PHACTR1: variants seen among roughly 807,000 people sequenced by gnomAD.
The protein encoded by PHACTR1 is phosphatase and actin regulator 1.
A neutral mutation model predicts 69.2 loss-of-function variants in PHACTR1; 16 were observed. The observed-to-expected ratio is 0.23, with a 90% confidence interval of 0.16 to 0.35. The LOEUF (loss-of-function observed/expected upper bound fraction) is 0.35, where lower values mean the gene tolerates loss of function less well. Among genes scored for constraint, PHACTR1 ranks in the 10% least tolerant of loss-of-function variants. The probability of loss-of-function intolerance (pLI) is 1.00; values close to 1 mark genes in which losing one functional copy is unlikely to be tolerated. For missense variants in PHACTR1, 510 were observed against 734.7 expected (o/e 0.69, Z 3.54); for synonymous variants, 312 against 284.5 (o/e 1.10, Z -0.97).
chr6:12,814,430 T>A (rs1211452013), intron 4 of PHACTR1, among the ~76,000 whole-genome samples: 4 of 152,232 alleles, frequency 2.6e-5, no homozygotes, highest in Non-Finnish European at 5.9e-5. Flanking sequence ...CAAAAATGTC[T>A]CTTTGCTGTT....
chr6:13,253,124 T>C (rs960003095), intron 10 of PHACTR1: 1 of 431,532 alleles, frequency 2.3e-6, no homozygotes, highest in Non-Finnish European at 4.7e-6. Flanking sequence ...CCCCACCCTC[T>C]ATCCTCAGCC....
At chr6:13,212,470 T>C (rs1472551263) in intron 8 of PHACTR1, among the ~76,000 whole-genome samples, 3 of 149,094 alleles carry the variant, frequency 2.0e-5, no homozygotes, top group Non-Finnish European at 3.0e-5. Context: ...ATCTCTGCCC[T>C]CCTGCACACA....
chr6:13,016,156 G>T (rs1453658022), intron 4 of PHACTR1, among the ~76,000 whole-genome samples: 2 of 152,226 alleles, frequency 1.3e-5, no homozygotes, highest in African/African-American at 4.8e-5. Flanking sequence ...GAAGCGATTT[G>T]CAATTTGAGT....
intron 4 of PHACTR1, among the ~76,000 whole-genome samples, chr6:12,973,344 A>C (rs1342846712): frequency 6.6e-6 from 1 of 152,176 alleles, no homozygotes; most frequent in African/African-American, 2.4e-5. Context: ...GAAATTTTAG[A>C]GGAATAAAAT....
chr6:13,172,133 G>A (rs570080736), intron 6 of PHACTR1, among the ~76,000 whole-genome samples: 15 of 152,230 alleles, frequency 9.9e-5, no homozygotes, highest in African/African-American at 3.1e-4. Flanking sequence ...TGATGAAAGA[G>A]GCCCCTTTCA....
At chr6:13,061,595 T>C (rs1807685706) in intron 5 of PHACTR1, among the ~76,000 whole-genome samples, 1 of 152,116 alleles carries the variant, frequency 6.6e-6, no homozygotes, top group African/African-American at 2.4e-5. Context: ...AGTGGACAGC[T>C]GAGGTGGAGG....
At chr6:13,272,811 A>G in intron 10 of PHACTR1, 49 bp from the exon 11 acceptor site, 1 of 1,614,040 alleles carries the variant, frequency 6.2e-7, no homozygotes, top group Non-Finnish European at 8.5e-7. Flanking sequence ...TTAATGACCC[A>G]AGGAGGCTAT....
intron 5 of PHACTR1, among the ~76,000 whole-genome samples, chr6:13,070,546 A>G (rs1318472813): frequency 6.6e-6 from 1 of 152,158 alleles, no homozygotes; most frequent in African/African-American, 2.4e-5. Context: ...AGAGGATTGG[A>G]ATTGCAAGGC....
intron 4 of PHACTR1, among the ~76,000 whole-genome samples, chr6:13,012,808 T>C (rs1420650353): frequency 1.3e-5 from 2 of 152,196 alleles, no homozygotes; most frequent in African/African-American, 4.8e-5. Flanking sequence ...TGGTGGTTTA[T>C]TAGAAATAGC....
chr6:12,889,793 CTTCCT>C (rs1398067540), intron 4 of PHACTR1, among the ~76,000 whole-genome samples: 1 of 96,252 alleles, frequency 1.0e-5, no homozygotes, highest in Non-Finnish European at 2.0e-5. Flanking sequence ...CCTTCTCCTT[CTTCCT>C]TTTTTTTTTT....
chr6:13,025,017 A>G (rs968142075), intron 4 of PHACTR1, among the ~76,000 whole-genome samples: 1 of 152,182 alleles, frequency 6.6e-6, no homozygotes, highest in African/African-American at 2.4e-5. Context: ...GTATCAGGCC[A>G]GGCCCAAGCT....
intron 7 of PHACTR1, among the ~76,000 whole-genome samples, chr6:13,184,337 T>A (rs187925279): frequency 6.6e-6 from 1 of 152,286 alleles, no homozygotes; most frequent in East Asian, 1.9e-4. Flanking sequence ...CCACTCCCTC[T>A]TGCCCCTCAG....
chr6:12,969,544 C>A (rs1369427706), intron 4 of PHACTR1, among the ~76,000 whole-genome samples: 1 of 152,146 alleles, frequency 6.6e-6, no homozygotes, highest in East Asian at 1.9e-4. Context: ...GAGTTTGAGA[C>A]CAGCCCAGGC....
At chr6:12,977,388 AC>A (rs1229509029) in intron 4 of PHACTR1, among the ~76,000 whole-genome samples, 1 of 151,680 alleles carries the variant, frequency 6.6e-6, no homozygotes, top group Non-Finnish European at 1.5e-5. Flanking sequence ...TTTCACACAC[AC>A]ACACACACAC....
rs61361151 is a variant in PHACTR1 at position 13,160,339 on chromosome 6, A to G, written c.496+55A>G. 5.2e-3 allele frequency: 7,533 copies of G among 1,445,770 alleles called. 307 individuals carry two copies. In the African/African-American group the frequency reaches 0.09, roughly 17 times the overall value. 89.6% of individuals were successfully genotyped at this position (1,445,770 alleles called of 1,614,324 possible). On this transcript the variant is annotated intron_variant, in intron 6 of 14. Coordinates refer to ENST00000332995, the MANE Select transcript of PHACTR1 (RefSeq NM_030948.6). ...TCAAAGAGTCATGCGTGGAATCTGC[A>G]TGCATATTGCTTGGAGTTCCATTTC...
chr6:13,153,779 T>C (rs1757792758), intron 5 of PHACTR1, among the ~76,000 whole-genome samples: 1 of 152,252 alleles, frequency 6.6e-6, no homozygotes, highest in Non-Finnish European at 1.5e-5. Flanking sequence ...TTGGTTCTAC[T>C]GATCAATTAG....
intron 4 of PHACTR1, among the ~76,000 whole-genome samples, chr6:12,906,474 T>C (rs1419999010): frequency 6.6e-6 from 1 of 152,226 alleles, no homozygotes; most frequent in Non-Finnish European, 1.5e-5. Context: ...ATCTGTATGT[T>C]TTTAGCTTTG....
At chr6:13,281,029 C>A in intron 12 of PHACTR1, 1 of 1,289,602 alleles carries the variant, frequency 7.8e-7, no homozygotes, top group South Asian at 1.2e-5. Flanking sequence ...CGCTCATTCC[C>A]TCTGAGCACT....
chr6:13,107,196 C>T (rs1272401633), intron 5 of PHACTR1, among the ~76,000 whole-genome samples: 1 of 152,142 alleles, frequency 6.6e-6, no homozygotes, highest in African/African-American at 2.4e-5. Flanking sequence ...CAGCTCACTG[C>T]AGCCCTGACC....
Sources: gnomAD v4.1 joint callset for allele counts (sites outside exome capture counted in the v4.1 genomes callset) on GRCh38, gnomAD v4.1.1 for gene constraint, MANE v1.5 for transcripts, NCBI Gene and HGNC (gene_info 2026-07-23, HGNC 2026-07-21) for gene names.